Variants in HAAO observed in about 807,000 individuals in gnomAD.
HAAO encodes the protein 3-hydroxyanthranilate oxygenase.
HAAO carries 49 observed loss-of-function variants against 46.2 expected under a neutral mutation model. The ratio of observed to expected loss-of-function variants is 1.06; its 90% CI spans 0.84 to 1.34. The LOEUF (loss-of-function observed/expected upper bound fraction) is 1.34, where lower values mean the gene tolerates loss of function less well. Ranked by LOEUF, HAAO falls within the 40% of genes most tolerant of loss-of-function variation. The pLI is 0.00. For missense variants in HAAO, 408 were observed against 364.5 expected, an observed-to-expected ratio of 1.12 and a Z score of -0.97; for synonymous variants, 157 against 145.2, an observed-to-expected ratio of 1.08 and a Z score of -0.58.
Position 42,783,926 on chromosome 2 carries a change from C to T in HAAO, c.160-59G>A, listed in dbSNP as rs1227622778. On this transcript the variant is annotated intron_variant, in intron 2 of 9. Transcript: ENST00000294973. Reference sequence around the variant, plus strand: ...ACTTTCTCTTCCAGGTCCTTGGCCACTGCCCAGGCCCTGAATTCTGACCGG... The same window carrying T: ...ACTTTCTCTTCCAGGTCCTTGGCCATTGCCCAGGCCCTGAATTCTGACCGG... 15 of 1,563,718 alleles carry T rather than the reference C, an allele frequency of 9.6e-6. No homozygotes were observed. In the East Asian group the frequency reaches 3.6e-4, roughly 37 times the overall value.
At chr2:42,767,744 G>A in intron 8 of HAAO, 67 bp from the exon 9 acceptor site, 1 of 1,543,392 alleles carries the variant, frequency 6.5e-7, no homozygotes, top group Non-Finnish European at 8.9e-7. Flanking sequence ...GAATGTCTGA[G>A]TCTGCCTGGG....
intron 1 of HAAO, among the ~76,000 whole-genome samples, chr2:42,788,849 C>T (rs1020693275): frequency 2.0e-5 from 3 of 152,248 alleles, no homozygotes; most frequent in African/African-American, 2.4e-5. Context: ...CCCCCCACAT[C>T]GTCTGACCCA....
chr2:42,768,886 G>A (rs1670870651), intron 7 of HAAO, among the ~76,000 whole-genome samples: 3 of 152,072 alleles, frequency 2.0e-5, no homozygotes, highest in Middle Eastern at 3.4e-3. Context: ...CCCAAGCCCC[G>A]CCTCTGGCCA....
chr2:42,770,411 AGGG>A, intron 5 of HAAO, 79 bp downstream of exon 5: 1 of 1,090,136 alleles, frequency 9.2e-7, no homozygotes, highest in Non-Finnish European at 1.3e-6. Context: ...CCACCCTGGG[AGGG>A]GAGACTTTCT....
chr2:42,772,220 A>C (rs1227172969), intron 4 of HAAO, among the ~76,000 whole-genome samples: 2 of 152,092 alleles, frequency 1.3e-5, no homozygotes, highest in Admixed American at 1.3e-4. Context: ...GTGGCTCACA[A>C]CTGTAATCCC....
At chr2:42,789,176 A>T (rs1433667539) in intron 1 of HAAO, 1 of 158,582 alleles carries the variant, frequency 6.3e-6, no homozygotes, top group African/African-American at 2.4e-5. Context: ...TCTGTAAAAT[A>T]GAGGAACAGT....
chr2:42,769,660 A>G (rs1309322533), intron 7 of HAAO, 53 bp downstream of exon 7: 2 of 1,535,066 alleles, frequency 1.3e-6, no homozygotes, highest in Non-Finnish European at 1.8e-6. Context: ...ACTGGTTCCC[A>G]TTTTCCAGGG....
chr2:42,783,944 C>A (rs1672205802), intron 2 of HAAO, 77 bp from the exon 3 acceptor site: 4 of 1,549,450 alleles, frequency 2.6e-6, no homozygotes, highest in Non-Finnish European at 3.5e-6. Context: ...GCCCTGAATT[C>A]TGACCGGGAA....
At chr2:42,777,805 C>T (rs898544080) in intron 4 of HAAO, among the ~76,000 whole-genome samples, 1 of 151,482 alleles carries the variant, frequency 6.6e-6, no homozygotes, top group Admixed American at 6.6e-5. Context: ...GGAAAACATT[C>T]TTTCTAAAAA....
chr2:42,783,154 AGACAG>A (rs1018231814), intron 4 of HAAO, 155 bp downstream of exon 4: 1 of 598,986 alleles, frequency 1.7e-6, no homozygotes, highest in African/African-American at 1.9e-5. Flanking sequence ...CAGCCAACAA[AGACAG>A]GATCTCCACT....
In HAAO at chr2:42,783,864, A is replaced by G; in HGVS notation, c.163T>C (p.Phe55Leu). The part of the protein sequence containing the change: ...DYHIEEGEEV[F>L]YQLEGDMVLR... Reference sequence around the variant, plus strand: ...ACCATGTCTCCCTCCAGCTGGTAAAATACCTGTGGGACAGGAGAGAGGCTT... The same window carrying G: ...ACCATGTCTCCCTCCAGCTGGTAAAGTACCTGTGGGACAGGAGAGAGGCTT... The change falls in exon 3 of 10, where the codon TTT becomes CTT. Residue 55 changes from phenylalanine to leucine, a missense_variant. Transcript: ENST00000294973. 4 of 1,609,294 alleles carry G rather than the reference A, an allele frequency of 2.5e-6. No homozygotes were observed. The highest frequency in any genetic ancestry group is 3.4e-6 in the Non-Finnish European group (4 of 1,177,736).
At chr2:42,767,710 A>T (rs2104633368) in intron 8 of HAAO, 33 bp from the exon 9 acceptor site, 1 of 1,557,654 alleles carries the variant, frequency 6.4e-7, no homozygotes, top group East Asian at 2.3e-5. Context: ...TCAAATGGAG[A>T]CTGTTGGGCC....
chr2:42,787,667 C>T (rs1263941883), intron 2 of HAAO, among the ~76,000 whole-genome samples: 1 of 152,104 alleles, frequency 6.6e-6, no homozygotes. Context: ...TCACCACAGT[C>T]CCTGGCTGTG....
At chr2:42,789,337 T>C (rs756080480) in intron 1 of HAAO, among the ~76,000 whole-genome samples, 2 of 152,118 alleles carry the variant, frequency 1.3e-5, no homozygotes, top group Non-Finnish European at 2.9e-5. Context: ...TCCCAGCACT[T>C]TGAGAGGCAG....
At chr2:42,776,941 C>T (rs980226956) in intron 4 of HAAO, among the ~76,000 whole-genome samples, 1 of 151,574 alleles carries the variant, frequency 6.6e-6, no homozygotes, top group East Asian at 2.0e-4. Context: ...GAGTTGTTTC[C>T]TTTAATATGC....
At position 42,770,143 on chromosome 2, in the gene HAAO, C is replaced by G. The variant is rs1193841315; in HGVS notation, c.484G>C (p.Asp162His). 4.4e-6 allele frequency: 7 copies of G among 1,603,908 alleles called. No individual in the cohort carries two copies. Among genetic ancestry groups the G allele is most frequent in the Non-Finnish European group, 6.0e-6 (7 of 1,174,338 alleles). ...EQYRTGKPIP[D>H]QLLKEPPFPL... ...GAAGGGCAGTTCCCAGCGGCCTCAC[C>G]AGGGATGGGCTTTCCTGTTCTGTAC... Residue 162 changes from aspartate (D) to histidine (H), a missense_variant and splice_region_variant, in exon 6 of 10, where the codon GAC (aspartate) becomes CAC (histidine). By Grantham distance (81) the Asp-to-His change is moderately conservative. Coordinates refer to ENST00000294973, the MANE Select transcript of HAAO (RefSeq NM_012205.3).
At chr2:42,779,199 C>T (rs1558667755) in intron 4 of HAAO, among the ~76,000 whole-genome samples, 2 of 152,076 alleles carry the variant, frequency 1.3e-5, no homozygotes, top group Non-Finnish European at 2.9e-5. Flanking sequence ...CATATGGGCC[C>T]CTGTGTCAGA....
At chr2:42,788,362 G>A (rs572252437) in intron 2 of HAAO, among the ~76,000 whole-genome samples, 167 bp downstream of exon 2, 2 of 152,204 alleles carry the variant, frequency 1.3e-5, no homozygotes, top group African/African-American at 4.8e-5. Flanking sequence ...CAGCTTGGAG[G>A]CAGCAGTCGT....
rs1169161955 is a variant in HAAO at position 42,770,137 on chromosome 2, C to A, written c.484+6G>T. The A allele has an allele frequency of 6.2e-7, 1 of 1,603,776 alleles. No individual in the cohort carries two copies. The highest frequency in any genetic ancestry group is 8.5e-7 in the Non-Finnish European group (1 of 1,174,028). On this transcript the variant is annotated splice_donor_region_variant and intron_variant, in intron 6 of 9. Transcript: ENST00000294973. ...GAAGGAGAAGGGCAGTTCCCAGCGG[C>A]CTCACCAGGGATGGGCTTTCCTGTT...
Sources: gnomAD v4.1 joint callset for allele counts (sites outside exome capture counted in the v4.1 genomes callset) on GRCh38, gnomAD v4.1.1 for gene constraint, MANE v1.5 for transcripts, NCBI Gene and HGNC (gene_info 2026-07-23, HGNC 2026-07-21) for gene names.